The following ADCY2 variants were observed in gnomAD, a reference collection of about 807,000 sequenced individuals.
The protein encoded by ADCY2 is adenylate cyclase 2.
In ADCY2, 31 loss-of-function variants were observed where a neutral mutation model predicts 125.2. That is an observed-to-expected ratio of 0.25 (90% CI 0.19 to 0.33). The LOEUF is 0.33. ADCY2 is among the 10% of genes least tolerant of loss of function. The probability of loss-of-function intolerance (pLI) is 1.00; values close to 1 mark genes in which losing one functional copy is unlikely to be tolerated. For synonymous variants in ADCY2, 512 were observed against 548.4 expected (o/e 0.93, Z 0.93); for missense variants, 904 against 1,418.2 (o/e 0.64, Z 5.82).
chr5:7,487,651 G>A (rs971284618), intron 2 of ADCY2, among the ~76,000 whole-genome samples: 4 of 152,222 alleles, frequency 2.6e-5, no homozygotes, highest in Admixed American at 1.3e-4. Context: ...CAGTGGCAAA[G>A]CACTTGGTTC....
Position 7,418,647 on chromosome 5 carries a change from G to GTTTTTTTTTTTTTTTTTTTT in ADCY2, c.408+3884_408+3903dup, listed in dbSNP as rs869287430. 3.9e-4 allele frequency among the ~76,000 whole-genome samples: 29 copies of GTTTTTTTTTTTTTTTTTTTT among 73,766 alleles called. 6 individuals carry two copies. Among genetic ancestry groups the GTTTTTTTTTTTTTTTTTTTT allele is most frequent in the African/African-American group, 1.2e-3 (19 of 16,070 alleles). 48.4% of individuals were successfully genotyped at this position (73,766 alleles called of 152,430 possible). A position where few individuals can be genotyped will look rare whatever the true frequency, so the allele number is the denominator to read the frequency against. On this transcript the variant is annotated intron_variant, in intron 2 of 24. Coordinates refer to ENST00000338316, the MANE Select transcript of ADCY2 (RefSeq NM_020546.3). ...AATTAAAAACAAAAGTCTACCTTCT[G>GTTTTTTTTTTTTTTTTTTTT]TTTTTTTTTTTTTTTTTTTTTTTTT... is the stretch of plus-strand genomic sequence containing the variant.
intron 3 of ADCY2, among the ~76,000 whole-genome samples, chr5:7,525,476 C>T (rs1469127714): frequency 6.6e-6 from 1 of 152,128 alleles, no homozygotes; most frequent in Non-Finnish European, 1.5e-5. Flanking sequence ...CTGCTCCAGG[C>T]CTAAAATCAA....
At chr5:7,549,587 G>C (rs1735259512) in intron 3 of ADCY2, among the ~76,000 whole-genome samples, 1 of 152,200 alleles carries the variant, frequency 6.6e-6, no homozygotes, top group African/African-American at 2.4e-5. Flanking sequence ...ATTTGCTGCT[G>C]ATCTTGGCTT....
chr5:7,788,193 T>C (rs1744139970), intron 19 of ADCY2, among the ~76,000 whole-genome samples: 1 of 152,196 alleles, frequency 6.6e-6, no homozygotes, highest in Admixed American at 6.5e-5. Flanking sequence ...TTGTTTTTGG[T>C]TTTTGAGACA....
At chr5:7,499,138 G>C (rs1743453052) in intron 2 of ADCY2, among the ~76,000 whole-genome samples, 1 of 152,124 alleles carries the variant, frequency 6.6e-6, no homozygotes, top group African/African-American at 2.4e-5. Flanking sequence ...TTCCCCAGTA[G>C]ATGGGACTAC....
At chr5:7,440,329 T>C (rs1023897024) in intron 2 of ADCY2, among the ~76,000 whole-genome samples, 8 of 152,230 alleles carry the variant, frequency 5.3e-5, no homozygotes, top group Admixed American at 4.6e-4. Context: ...GCTAGATGAT[T>C]CACTGAAGAA....
rs1745528103 is a variant in ADCY2 at position 7,827,482 on chromosome 5, T to G, written c.*611T>G. On this transcript the variant is annotated 3_prime_UTR_variant, in exon 25 of 25. Transcript: ENST00000338316. ...GTATCAAACTCGTCTGATGTTTTGA[T>G]GCCATTTGTCTTTTGTAAAGTTAAT... is the stretch of plus-strand genomic sequence containing the variant. The G allele has an allele frequency of 6.6e-6, 1 of 152,610 alleles. No homozygotes were observed. Among genetic ancestry groups the G allele is most frequent in the Non-Finnish European group, 1.5e-5 (1 of 68,060 alleles). The allele number at this position is 152,610 out of a possible 1,614,324, so 9.5% of individuals were successfully genotyped here. A position where few individuals can be genotyped will look rare whatever the true frequency, so the allele number is the denominator to read the frequency against.
intron 3 of ADCY2, among the ~76,000 whole-genome samples, chr5:7,589,458 A>AGAAAGAAAGAAAG (rs1554022168): frequency 2.6e-4 from 19 of 73,010 alleles, no homozygotes; most frequent in African/African-American, 9.1e-4. Context: ...GAAGGAAAGA[A>AGAAAGAAAGAAAG]AAAGAAAGAA....
chr5:7,825,159 G>A (rs1207974981), intron 24 of ADCY2, among the ~76,000 whole-genome samples: 2 of 149,040 alleles, frequency 1.3e-5, no homozygotes, highest in African/African-American at 5.1e-5. Context: ...GCTGCTGTGT[G>A]CCACGACAAC....
chr5:7,505,855 G>A (rs1024916650), intron 2 of ADCY2, among the ~76,000 whole-genome samples: 2 of 152,124 alleles, frequency 1.3e-5, no homozygotes, highest in African/African-American at 2.4e-5. Context: ...CATCTGAAGC[G>A]CTGGCCTTTC....
intron 3 of ADCY2, among the ~76,000 whole-genome samples, chr5:7,542,203 T>C (rs17231055): frequency 0.081 from 12,368 of 152,134 alleles, 726 homozygotes; most frequent in Non-Finnish European, 0.12. Context: ...TTCCAAATGG[T>C]CCAAATAGGA....
At chr5:7,656,743 C>T (rs769023732) in intron 4 of ADCY2, among the ~76,000 whole-genome samples, 2 of 152,116 alleles carry the variant, frequency 1.3e-5, no homozygotes, top group East Asian at 3.9e-4. Context: ...GGCAGATGTG[C>T]GATTGTAATC....
chr5:7,803,472 T>G (rs76246534), intron 21 of ADCY2, among the ~76,000 whole-genome samples: 2,870 of 152,316 alleles, frequency 0.019, 108 homozygotes, highest in African/African-American at 0.066. Context: ...TCCTTCATGT[T>G]CAAGCCCATT....
At chr5:7,533,223 T>C (rs1579545151) in intron 3 of ADCY2, among the ~76,000 whole-genome samples, 2 of 151,782 alleles carry the variant, frequency 1.3e-5, no homozygotes, top group East Asian at 3.8e-4. Flanking sequence ...TTGTCAAAGA[T>C]ATTTTCATAT....
intron 2 of ADCY2, among the ~76,000 whole-genome samples, chr5:7,459,777 T>A (rs1741846330): frequency 1.1e-5 from 1 of 90,274 alleles, no homozygotes; most frequent in African/African-American, 7.9e-5. Flanking sequence ...AGGTAATTTT[T>A]TTTTTTTTTT....
At chr5:7,718,446 C>G (rs1231876397) in intron 12 of ADCY2, among the ~76,000 whole-genome samples, 1 of 152,120 alleles carries the variant, frequency 6.6e-6, no homozygotes, top group Non-Finnish European at 1.5e-5. Flanking sequence ...CCACGCCCGG[C>G]CTTAGATTGT....
At chr5:7,617,854 G>A (rs961955504) in intron 3 of ADCY2, among the ~76,000 whole-genome samples, 8 of 152,140 alleles carry the variant, frequency 5.3e-5, no homozygotes, top group Non-Finnish European at 1.5e-5. Context: ...GCAGTGGCCA[G>A]GCATGCTCTT....
intron 3 of ADCY2, among the ~76,000 whole-genome samples, chr5:7,607,163 G>A (rs1737406023): frequency 6.6e-6 from 1 of 152,156 alleles, no homozygotes; most frequent in African/African-American, 2.4e-5. Context: ...ATTCAGTACA[G>A]CAGCCCTCCT....
chr5:7,757,331 A>G, intron 15 of ADCY2, 118 bp from the exon 16 acceptor site: 2 of 1,306,222 alleles, frequency 1.5e-6, no homozygotes, highest in Non-Finnish European at 2.1e-6. Flanking sequence ...GATAGAATCT[A>G]CATGTTTAGT....
Sources: allele counts gnomAD v4.1 joint callset (sites outside exome capture counted in the v4.1 genomes callset), GRCh38; gene constraint gnomAD v4.1.1; transcripts MANE v1.5; gene names NCBI Gene and HGNC (gene_info 2026-07-23, HGNC 2026-07-21).